The following ITIH5 variants were observed in gnomAD, a reference collection of about 807,000 sequenced individuals.
The protein encoded by ITIH5 is inter-alpha-trypsin inhibitor heavy chain H5.
ITIH5 carries 65 observed loss-of-function variants against 77.5 expected under a neutral mutation model. The observed-to-expected ratio is 0.84, with a 90% confidence interval of 0.69 to 1.03. The LOEUF is 1.03. ITIH5 is among the 50% of genes least tolerant of loss of function. ITIH5 has a pLI of 0.00. For synonymous variants in ITIH5, 525 were observed against 494.3 expected (o/e 1.06, Z -0.82); for missense variants, 1,208 against 1,213.1 (o/e 1.00, Z 0.06).
chr10:7,573,886 C>T (rs1003799580), intron 10 of ITIH5, among the ~76,000 whole-genome samples: 1 of 152,100 alleles, frequency 6.6e-6, no homozygotes, highest in African/African-American at 2.4e-5. Context: ...GGGCCTGTAG[C>T]ATTTCAGACG....
intron 2 of ITIH5, among the ~76,000 whole-genome samples, chr10:7,644,648 T>C (rs181080098): frequency 1.4e-5 from 2 of 137,956 alleles, no homozygotes; most frequent in Admixed American, 7.6e-5. Context: ...ATATATCATA[T>C]ATATCACATA....
In ITIH5 at chr10:7,562,422, T is replaced by C. The variant is rs1564228888; in HGVS notation, c.*661A>G. The C allele has an allele frequency of 6.5e-6, 1 of 152,766 alleles. No homozygotes were observed. Among genetic ancestry groups the C allele is most frequent in the African/African-American group, 2.4e-5 (1 of 41,452 alleles). 9.5% of individuals were successfully genotyped at this position (152,766 alleles called of 1,614,324 possible). Reference sequence around the variant, plus strand: ...AAGAGATCAGTATCTGAGCTGTAGATGTTTCTATTTTCAATCAAATTTCTT... The same window carrying C: ...AAGAGATCAGTATCTGAGCTGTAGACGTTTCTATTTTCAATCAAATTTCTT... On this transcript the variant is annotated 3_prime_UTR_variant, in exon 14 of 14. Transcript: ENST00000397146.
chr10:7,593,947 C>A (rs1832846308), intron 7 of ITIH5, among the ~76,000 whole-genome samples: 1 of 152,264 alleles, frequency 6.6e-6, no homozygotes, highest in African/African-American at 2.4e-5. Context: ...GCTCTGCCTC[C>A]TGTGGGAGGC....
At chr10:7,650,158 A>G (rs1309353622) in intron 2 of ITIH5, among the ~76,000 whole-genome samples, 2 of 152,202 alleles carry the variant, frequency 1.3e-5, no homozygotes. Context: ...GGATGTCCTG[A>G]GTCACCCAAG....
At chr10:7,637,516 G>A (rs375213297) in intron 4 of ITIH5, 38 bp from the exon 5 acceptor site, 1 of 1,598,800 alleles carries the variant, frequency 6.3e-7, no homozygotes, top group Non-Finnish European at 8.5e-7. Context: ...GGGAGGTTCG[G>A]AAGAGGATAG....
rs189801528 is a variant in ITIH5 at position 7,588,776 on chromosome 10, A to G, written c.940-2707T>C. ...CCCGGGAGCTTCCTACTCCCTAGGC[A>G]TATGCGGAGTGTACAGGCTCTTCCT... On this transcript the variant is annotated intron_variant, in intron 7 of 13. Transcript: ENST00000397146. 2.0e-5 allele frequency among the ~76,000 whole-genome samples: 3 copies of G among 152,356 alleles called. No individual in the cohort carries two copies. The East Asian group carries it at 5.8e-4, about 29-fold the overall frequency.
chr10:7,585,021 T>TA (rs1397506083), intron 8 of ITIH5, among the ~76,000 whole-genome samples: 2 of 152,130 alleles, frequency 1.3e-5, no homozygotes, highest in Non-Finnish European at 2.9e-5. Context: ...ACCATGAATA[T>TA]AAGAAAGATG....
intron 1 of ITIH5, among the ~76,000 whole-genome samples, chr10:7,662,599 C>G (rs545070385): frequency 6.6e-6 from 1 of 152,348 alleles, no homozygotes; most frequent in Admixed American, 6.5e-5. Context: ...TATATGTGAG[C>G]ATCCAAGGAC....
At chr10:7,663,519 C>G (rs1242750775) in intron 1 of ITIH5, among the ~76,000 whole-genome samples, 1 of 152,208 alleles carries the variant, frequency 6.6e-6, no homozygotes, top group Non-Finnish European at 1.5e-5. Context: ...TGGTGCCTGT[C>G]AGATTGTCAA....
intron 1 of ITIH5, among the ~76,000 whole-genome samples, chr10:7,659,813 G>A (rs999653485): frequency 6.6e-6 from 1 of 152,128 alleles, no homozygotes; most frequent in Non-Finnish European, 1.5e-5. Flanking sequence ...CCCAGTACAC[G>A]TACATTGCTG....
At chr10:7,662,388 A>G (rs1176988974) in intron 1 of ITIH5, among the ~76,000 whole-genome samples, 1 of 152,036 alleles carries the variant, frequency 6.6e-6, no homozygotes, top group Admixed American at 6.6e-5. Context: ...GACAGAGAAA[A>G]GAAAAGAAAA....
chr10:7,653,897 G>A (rs564593065), intron 2 of ITIH5, among the ~76,000 whole-genome samples: 9 of 152,150 alleles, frequency 5.9e-5, no homozygotes, highest in Non-Finnish European at 1.2e-4. Flanking sequence ...GCTCACGCCT[G>A]TAATCCCAAC....
At chr10:7,615,073 C>A (rs1297683821) in intron 7 of ITIH5, among the ~76,000 whole-genome samples, 1 of 152,024 alleles carries the variant, frequency 6.6e-6, no homozygotes, top group Non-Finnish European at 1.5e-5. Flanking sequence ...ATGATGAAAC[C>A]CTGTCTCTAC....
At chr10:7,640,148 CAAAA>C (rs56939703) in intron 4 of ITIH5, among the ~76,000 whole-genome samples, 2 of 80,266 alleles carry the variant, frequency 2.5e-5, no homozygotes, top group South Asian at 4.8e-4. Context: ...GGGGTAACTA[CAAAA>C]AAAAAAAAAA....
At chr10:7,572,439 C>A in intron 11 of ITIH5, 1 of 1,348,952 alleles carries the variant, frequency 7.4e-7, no homozygotes, top group Non-Finnish European at 9.8e-7. Context: ...GCCTGTCACA[C>A]CAGACATTTT....
chr10:7,604,598 A>G (rs1487671096), intron 7 of ITIH5, among the ~76,000 whole-genome samples: 3 of 152,220 alleles, frequency 2.0e-5, no homozygotes, highest in Non-Finnish European at 4.4e-5. Flanking sequence ...TCTGGTCCAA[A>G]ACATGACCCA....
intron 5 of ITIH5, among the ~76,000 whole-genome samples, chr10:7,629,117 GTGTGTCCGTGTTGTAGCA>G (rs1365380130): frequency 3.9e-5 from 4 of 101,610 alleles, no homozygotes; most frequent in South Asian, 7.0e-4. Context: ...ATGTTGTAGA[GTGTGTCCGTGTTGTAGCA>G]TGTGTCCGTG....
intron 7 of ITIH5, among the ~76,000 whole-genome samples, chr10:7,598,875 C>T (rs999238639): frequency 1.3e-5 from 2 of 152,092 alleles, no homozygotes; most frequent in Non-Finnish European, 2.9e-5. Flanking sequence ...GATATTAAAA[C>T]ATTTTTTGCA....
At position 7,658,041 on chromosome 10, in the gene ITIH5, G is replaced by A. The variant is rs561321874; in HGVS notation, c.91-2366C>T. On this transcript the variant is annotated intron_variant, in intron 1 of 13. Coordinates refer to ENST00000397146, the MANE Select transcript of ITIH5 (RefSeq NM_030569.7). ...CAGCGTAACCTAGTCTATCCTGAGA[G>A]ATATGTTCATGACACAATTTTAAGT... is the stretch of plus-strand genomic sequence containing the variant. 2.6e-5 allele frequency among the ~76,000 whole-genome samples: 4 copies of A among 152,324 alleles called. No individual in the cohort carries two copies. In the East Asian group the frequency reaches 7.7e-4, roughly 29 times the overall value.
Sources: gnomAD v4.1 joint callset for allele counts (sites outside exome capture counted in the v4.1 genomes callset) on GRCh38, gnomAD v4.1.1 for gene constraint, MANE v1.5 for transcripts, NCBI Gene and HGNC (gene_info 2026-07-23, HGNC 2026-07-21) for gene names.